Variants in THSD7B observed in about 807,000 individuals in gnomAD.
The protein encoded by THSD7B is thrombospondin type-1 domain-containing protein 7B.
In THSD7B, 138 loss-of-function variants were observed where a neutral mutation model predicts 213.6. That is an observed-to-expected ratio of 0.65 (90% CI 0.56 to 0.74). THSD7B has a LOEUF of 0.74. Among genes scored for constraint, THSD7B ranks in the 30% least tolerant of loss-of-function variants. THSD7B has a pLI of 0.00. For missense variants in THSD7B, 1,931 were observed against 1,991.5 expected, an observed-to-expected ratio of 0.97 and a Z score of 0.58; for synonymous variants, 742 against 687.0, an observed-to-expected ratio of 1.08 and a Z score of -1.25.
intron 15 of THSD7B, among the ~76,000 whole-genome samples, chr2:137,556,870 A>C (rs1680982298): frequency 6.6e-6 from 1 of 152,108 alleles, no homozygotes. Context: ...ATGGAAAACA[A>C]AAAAAGGCAG....
intron 20 of THSD7B, among the ~76,000 whole-genome samples, chr2:137,641,990 T>C (rs1014256235): frequency 2.0e-5 from 3 of 152,184 alleles, no homozygotes; most frequent in African/African-American, 7.2e-5. Flanking sequence ...TTACCTTACT[T>C]GCTCATGTTT....
chr2:137,305,109 T>C (rs1360765736), intron 12 of THSD7B, among the ~76,000 whole-genome samples: 1 of 152,150 alleles, frequency 6.6e-6, no homozygotes, highest in Non-Finnish European at 1.5e-5. Context: ...TTCTGAGATC[T>C]TATGTGTTCA....
chr2:137,586,218 C>T (rs975737811), intron 17 of THSD7B, among the ~76,000 whole-genome samples: 11 of 152,118 alleles, frequency 7.2e-5, no homozygotes, highest in African/African-American at 2.2e-4. Context: ...TTCTTTTGAG[C>T]CTATGTGTGT....
In THSD7B at chr2:136,882,127, T is replaced by G. The variant is rs1683635622; in HGVS notation, c.-35-17T>G. On this transcript the variant is annotated splice_polypyrimidine_tract_variant and intron_variant, in intron 1 of 27. Coordinates refer to ENST00000409968, the MANE Select transcript of THSD7B (RefSeq NM_001316349.2). Reference sequence around the variant, plus strand: ...TTTACAGAAGAAACTTACCTGATTTTTCTTTTTCTCTTTTAGGAATAGGCA... The same window carrying G: ...TTTACAGAAGAAACTTACCTGATTTGTCTTTTTCTCTTTTAGGAATAGGCA... The G allele has an allele frequency of 7.0e-7, 1 of 1,428,620 alleles. No individual in the cohort carries two copies. The highest frequency in any genetic ancestry group is 1.5e-5 in the African/African-American group (1 of 67,760). 88.5% of individuals were successfully genotyped at this position (1,428,620 alleles called of 1,614,324 possible). A position where few individuals can be genotyped will look rare whatever the true frequency, so the allele number is the denominator to read the frequency against.
intron 2 of THSD7B, among the ~76,000 whole-genome samples, chr2:136,890,266 TG>T (rs1683792425): frequency 7.0e-6 from 1 of 143,286 alleles, no homozygotes; most frequent in South Asian, 2.4e-4. Flanking sequence ...ATATTTCGAT[TG>T]GTGTACTCAT....
intron 25 of THSD7B, among the ~76,000 whole-genome samples, chr2:137,663,078 A>AG (rs1553467960): frequency 0.024 from 3,661 of 151,458 alleles, 123 homozygotes; most frequent in African/African-American, 0.083. Flanking sequence ...AAAAAAAAAA[A>AG]GACAAAAAGA....
At chr2:136,786,172 AATC>A (rs1434424225) in intron 1 of THSD7B, among the ~76,000 whole-genome samples, 1 of 97,790 alleles carries the variant, frequency 1.0e-5, no homozygotes, top group Non-Finnish European at 1.9e-5. Context: ...ATAAGGAAAA[AATC>A]ATCATATTTC....
At chr2:137,225,966 T>G (rs1450895037) in intron 7 of THSD7B, among the ~76,000 whole-genome samples, 2 of 151,828 alleles carry the variant, frequency 1.3e-5, no homozygotes, top group Admixed American at 6.6e-5. Context: ...AGGGTCTCAA[T>G]CCAGAAGTGG....
intron 10 of THSD7B, among the ~76,000 whole-genome samples, chr2:137,266,832 A>G (rs1682602458): frequency 6.6e-6 from 1 of 152,090 alleles, no homozygotes; most frequent in African/African-American, 2.4e-5. Flanking sequence ...CTGTTCTACC[A>G]CCCACTTGCT....
chr2:137,444,619 C>G (rs538333187), intron 14 of THSD7B, among the ~76,000 whole-genome samples: 1 of 151,884 alleles, frequency 6.6e-6, no homozygotes, highest in Admixed American at 6.6e-5. Context: ...TTACAAAAAT[C>G]AAATCAATTA....
At chr2:137,076,672 C>T (rs1687631601) in intron 3 of THSD7B, among the ~76,000 whole-genome samples, 1 of 152,224 alleles carries the variant, frequency 6.6e-6, no homozygotes, top group South Asian at 2.1e-4. Context: ...CACCCATCTT[C>T]TGCGTCACTC....
At chr2:137,198,082 T>C (rs1680801160) in intron 7 of THSD7B, among the ~76,000 whole-genome samples, 1 of 152,160 alleles carries the variant, frequency 6.6e-6, no homozygotes, top group South Asian at 2.1e-4. Flanking sequence ...CTTTTCATTA[T>C]TTAGCTTCAA....
At chr2:136,885,265 C>T (rs570947294) in intron 2 of THSD7B, among the ~76,000 whole-genome samples, 1 of 150,510 alleles carries the variant, frequency 6.6e-6, no homozygotes, top group African/African-American at 2.4e-5. Context: ...CACCCCAAAT[C>T]GGTAGGTCCG....
In THSD7B at chr2:137,656,798, G is replaced by A. The variant is rs1310919480; in HGVS notation, c.4108G>A (p.Asp1370Asn). 6 of 1,613,648 alleles carry A rather than the reference G, an allele frequency of 3.7e-6. No homozygotes were observed. The highest frequency in any genetic ancestry group is 5.1e-6 in the Non-Finnish European group (6 of 1,179,694). Residue 1370 changes from aspartate to asparagine, a missense_variant and splice_region_variant, in exon 23 of 28, where the codon GAC becomes AAC. Coordinates refer to ENST00000409968, the MANE Select transcript of THSD7B (RefSeq NM_001316349.2). ...CCCTGTACTGCATGACTGTCCAGGA[G>A]ACTGCCATTTAACAGAATGGTCAGA... ...KQLCSVPCPG[D>N]CHLTEWSEWS...
intron 12 of THSD7B, among the ~76,000 whole-genome samples, chr2:137,404,474 T>C (rs1463280): frequency 0.6 from 23,781 of 39,714 alleles, 7,902 homozygotes; most frequent in East Asian, 0.74. Flanking sequence ...TATATATATA[T>C]ACACACACAC....
intron 1 of THSD7B, among the ~76,000 whole-genome samples, chr2:136,781,507 G>A (rs977699135): frequency 1.1e-4 from 17 of 151,642 alleles, no homozygotes; most frequent in Non-Finnish European, 2.5e-4. Context: ...CCTGACCTCA[G>A]ATGATCTGCC....
At chr2:137,033,593 T>C (rs1364298394) in intron 2 of THSD7B, among the ~76,000 whole-genome samples, 1 of 151,746 alleles carries the variant, frequency 6.6e-6, no homozygotes, top group East Asian at 1.9e-4. Context: ...TTTTCTTAGA[T>C]ATTATTTTTA....
At chr2:136,950,530 A>G (rs1042517278) in intron 2 of THSD7B, among the ~76,000 whole-genome samples, 1 of 152,188 alleles carries the variant, frequency 6.6e-6, no homozygotes, top group African/African-American at 2.4e-5. Flanking sequence ...TTTCTTTTTT[A>G]CTGCCTGTCC....
chr2:137,321,663 A>G (rs1473244341), intron 12 of THSD7B, among the ~76,000 whole-genome samples: 1 of 152,214 alleles, frequency 6.6e-6, no homozygotes, highest in Non-Finnish European at 1.5e-5. Flanking sequence ...GTTCTTCTGG[A>G]CTGAAATATA....
Sources: gnomAD v4.1 joint callset for allele counts (sites outside exome capture counted in the v4.1 genomes callset) on GRCh38, gnomAD v4.1.1 for gene constraint, MANE v1.5 for transcripts, NCBI Gene and HGNC (gene_info 2026-07-23, HGNC 2026-07-21) for gene names.